The following TENM3 variants were observed in gnomAD, a reference collection of about 807,000 sequenced individuals.
The protein encoded by TENM3 is teneurin transmembrane protein 3.
TENM3 carries 63 observed loss-of-function variants against 255.1 expected under a neutral mutation model. The observed-to-expected ratio is 0.25, with a 90% CI of 0.20 to 0.30. TENM3 has a LOEUF of 0.30. Among genes scored for constraint, TENM3 ranks in the 10% least tolerant of loss-of-function variants. The probability of loss-of-function intolerance (pLI) is 1.00; values close to 1 mark genes in which losing one functional copy is unlikely to be tolerated. For synonymous variants in TENM3, 1,306 were observed against 1,322.3 expected (o/e 0.99, Z 0.27); for missense variants, 2,929 against 3,461.1 (o/e 0.85, Z 3.86).
Position 182,737,056 on chromosome 4 carries a change from T to C in TENM3, c.3216T>C (p.Tyr1072=). 6.2e-7 allele frequency: 1 copy of C among 1,613,658 alleles called. No homozygotes were observed. The change falls in exon 17 of 28, where the codon TAT becomes TAC. Residue 1072 remains tyrosine, a synonymous_variant. Transcript: ENST00000511685. ...CAGATGCATATAATCAGAAAGTCTA[T>C]GGTCTATCTGAAGCTGTTGGTAAGT... is the stretch of plus-strand genomic sequence containing the variant. The part of the protein sequence containing the change: ...DKTDAYNQKV[Y]GLSEAVVSVG...
At chr4:182,525,125 G>A (rs1232016389) in intron 3 of TENM3, among the ~76,000 whole-genome samples, 1 of 152,142 alleles carries the variant, frequency 6.6e-6, no homozygotes, top group Admixed American at 6.5e-5. Flanking sequence ...CACAGAGGTG[G>A]GCCCTAGTGT....
intron 24 of TENM3, among the ~76,000 whole-genome samples, chr4:182,788,248 C>T (rs1362471302): frequency 1.3e-5 from 2 of 152,186 alleles, no homozygotes; most frequent in Non-Finnish European, 2.9e-5. Context: ...GGTCTCTGCC[C>T]TTCAGAGGTT....
chr4:182,537,401 T>C (rs1356421797), intron 3 of TENM3, among the ~76,000 whole-genome samples: 3 of 152,228 alleles, frequency 2.0e-5, no homozygotes, highest in Non-Finnish European at 2.9e-5. Flanking sequence ...AATCTTCTAA[T>C]TACGTACTTC....
In TENM3 at chr4:182,463,002, C is replaced by T. The variant is rs114102765; in HGVS notation, c.511+116073C>T. On this transcript the variant is annotated intron_variant, in intron 3 of 27. Coordinates refer to ENST00000511685, the MANE Select transcript of TENM3 (RefSeq NM_001080477.4). ...CACCAAAATCCATGTATACTAAAGG[C>T]CTGCAGTCATCCTACACAACCCACA... Among the ~76,000 whole-genome samples the T allele has an allele frequency of 7.6e-3, 1,163 of 152,172 alleles. 6 individuals carry two copies. The highest frequency in any genetic ancestry group is 0.027 in the African/African-American group (1,109 of 41,526).
At chr4:181,659,420 G>C in the TENM3 span, among the ~76,000 whole-genome samples, 3 of 152,070 alleles carry the variant, frequency 2.0e-5, no homozygotes, top group Non-Finnish European at 4.4e-5. Flanking sequence ...CACTCTCTTG[G>C]GGTTTGAATC....
the TENM3 span, among the ~76,000 whole-genome samples, chr4:181,803,779 G>GA: frequency 1.3e-5 from 2 of 151,368 alleles, no homozygotes; most frequent in East Asian, 2.0e-4. Flanking sequence ...AATTAAAAAT[G>GA]AAAAAAATTA....
chr4:182,063,270 T>C, the TENM3 span, among the ~76,000 whole-genome samples: 1 of 152,250 alleles, frequency 6.6e-6, no homozygotes. Flanking sequence ...CATAGTAGTT[T>C]ATGCTTGCAT....
At chr4:181,586,456 A>G in the TENM3 span, among the ~76,000 whole-genome samples, 1 of 152,182 alleles carries the variant, frequency 6.6e-6, no homozygotes, top group African/African-American at 2.4e-5. Flanking sequence ...AGCTATGGGA[A>G]GAGACGACGA....
chr4:181,576,810 TC>T, the TENM3 span, among the ~76,000 whole-genome samples: 4 of 145,892 alleles, frequency 2.7e-5, no homozygotes, highest in African/African-American at 1.0e-4. Context: ...TTCTTTCTTT[TC>T]TTTTTTTTTT....
intron 3 of TENM3, among the ~76,000 whole-genome samples, chr4:182,500,494 C>T (rs1050315820): frequency 5.3e-5 from 8 of 152,142 alleles, no homozygotes; most frequent in African/African-American, 1.9e-4. Context: ...GCTAACATCA[C>T]TGTCATATGC....
chr4:182,733,886 T>C (rs895000923), intron 16 of TENM3, among the ~76,000 whole-genome samples: 91 of 152,288 alleles, frequency 6.0e-4, no homozygotes, highest in African/African-American at 2.1e-3. Flanking sequence ...TATCTGTCTG[T>C]AGGTGCCAAA....
chr4:182,477,750 CAGAT>C (rs1014929061), intron 3 of TENM3, among the ~76,000 whole-genome samples: 80 of 152,320 alleles, frequency 5.3e-4, no homozygotes, highest in African/African-American at 1.9e-3. Flanking sequence ...CTGAGATACA[CAGAT>C]AAACAGCAGT....
At chr4:181,868,036 T>C in the TENM3 span, among the ~76,000 whole-genome samples, 18 of 152,258 alleles carry the variant, frequency 1.2e-4, no homozygotes, top group Non-Finnish European at 2.5e-4. Flanking sequence ...TGACACAATG[T>C]TGAGGTAATT....
chr4:181,820,349 C>A, the TENM3 span: 2 of 152,060 alleles, frequency 1.3e-5, no homozygotes, highest in Admixed American at 6.5e-5. Context: ...AATTATGAAA[C>A]AAAAGACTCC....
rs1762616273 is a variant in TENM3 at position 182,754,866 on chromosome 4, A to C, written c.4499A>C (p.Lys1500Thr). 1 of 1,614,066 alleles carries C rather than the reference A, an allele frequency of 6.2e-7. No homozygotes were observed. The highest frequency in any genetic ancestry group is 8.5e-7 in the Non-Finnish European group (1 of 1,179,908). ...LGNIRIRAVS[K>T]NKPLLNSMNF... is the part of the protein sequence containing the mutation. ...AATATCCGGATCCGGGCTGTGTCAA[A>C]GAATAAGCCTTTACTTAACTCTATG... is the stretch of plus-strand genomic sequence containing the variant. Residue 1500 changes from lysine to threonine, a missense_variant, in exon 22 of 28, where the codon AAG becomes ACG. Coordinates refer to ENST00000511685, the MANE Select transcript of TENM3 (RefSeq NM_001080477.4). The surrounding 1 kb of genome is among the most constrained non-coding windows in gnomAD (Gnocchi z 5.1).
chr4:182,204,464 C>T (rs1252525329), intron 1 of TENM3, among the ~76,000 whole-genome samples: 1 of 152,100 alleles, frequency 6.6e-6, no homozygotes, highest in Non-Finnish European at 1.5e-5. Context: ...TGAAAATACC[C>T]TTGCAATAAA....
the TENM3 span, among the ~76,000 whole-genome samples, chr4:181,760,463 A>G: frequency 6.6e-6 from 1 of 152,168 alleles, no homozygotes; most frequent in Non-Finnish European, 1.5e-5. Context: ...ACGATTGTGT[A>G]ATTTCCCACT....
intron 16 of TENM3, among the ~76,000 whole-genome samples, chr4:182,732,016 C>T (rs1203908838): frequency 2.6e-5 from 4 of 151,952 alleles, no homozygotes; most frequent in Non-Finnish European, 4.4e-5. Flanking sequence ...CTCCTGACCT[C>T]GTGATCCGCC....
rs11271130 is a variant in TENM3 at position 182,726,376 on chromosome 4, A to ATGGCAAGAACCTTAAAGGTTTTTG, written c.2369-2587_2369-2586insGCAAGAACCTTAAAGGTTTTTGTG. ...AAGCCCAGGAGGTCAAGCGCAGCTT[A>ATGGCAAGAACCTTAAAGGTTTTTG]TGTCTGTGTCTGACCTGTTAGTTTT... On this transcript the variant is annotated intron_variant, in intron 13 of 27. Coordinates refer to ENST00000511685, the MANE Select transcript of TENM3 (RefSeq NM_001080477.4). Among the ~76,000 whole-genome samples the ATGGCAAGAACCTTAAAGGTTTTTG allele has an allele frequency of 3.3e-5, 5 of 152,106 alleles. 1 individual carries two copies. Among genetic ancestry groups the ATGGCAAGAACCTTAAAGGTTTTTG allele is most frequent in the African/African-American group, 1.2e-4 (5 of 41,486 alleles).
Sources: gnomAD v4.1 joint callset for allele counts (sites outside exome capture counted in the v4.1 genomes callset) on GRCh38, gnomAD v4.1.1 for gene constraint, Gnocchi (gnomAD v3.1) non-coding constraint, MANE v1.5 for transcripts, NCBI Gene and HGNC (gene_info 2026-07-23, HGNC 2026-07-21) for gene names.